Variants in B3GALT1 observed in about 807,000 individuals in gnomAD.
B3GALT1 encodes the protein UDP-Gal:betaGlcNAc beta 1,3-galactosyltransferase, polypeptide 1.
B3GALT1 carries 10 observed loss-of-function variants against 23.2 expected under a neutral mutation model. The observed-to-expected ratio is 0.43, with a 90% CI of 0.27 to 0.73. B3GALT1 has a LOEUF of 0.73. Among genes scored for constraint, B3GALT1 ranks in the 30% least tolerant of loss-of-function variants. The pLI is 0.21. For synonymous variants in B3GALT1, 156 were observed against 141.5 expected (o/e 1.10, Z -0.73); for missense variants, 299 against 405.4 (o/e 0.74, Z 2.25).
chr2:167,441,834 G>T (rs1698897879), intron 1 of B3GALT1, among the ~76,000 whole-genome samples: 1 of 151,762 alleles, frequency 6.6e-6, no homozygotes, highest in East Asian at 1.9e-4. Context: ...TCAAGCCCAG[G>T]CCAGACAGCA....
At chr2:167,324,524 G>A (rs567488254) in intron 1 of B3GALT1, among the ~76,000 whole-genome samples, 3 of 152,070 alleles carry the variant, frequency 2.0e-5, no homozygotes, top group African/African-American at 7.2e-5. Context: ...ATTTGTTATT[G>A]TTTAGAAATT....
chr2:167,614,286 A>C (rs1394491419), intron 2 of B3GALT1, among the ~76,000 whole-genome samples: 1 of 151,646 alleles, frequency 6.6e-6, no homozygotes, highest in East Asian at 1.9e-4. Flanking sequence ...AAAATGAAAA[A>C]AAAAACCCAT....
chr2:167,699,607 G>A (rs1156324756), intron 3 of B3GALT1, among the ~76,000 whole-genome samples: 1 of 151,966 alleles, frequency 6.6e-6, no homozygotes, highest in Non-Finnish European at 1.5e-5. Flanking sequence ...TGAATTTCAT[G>A]AAAATTACTT....
chr2:167,474,452 GTTGT>G (rs1699464287), intron 1 of B3GALT1, among the ~76,000 whole-genome samples: 2 of 152,120 alleles, frequency 1.3e-5, no homozygotes, highest in African/African-American at 4.8e-5. Flanking sequence ...TGTGAAACGG[GTTGT>G]ATTGTCTCTG....
intron 1 of B3GALT1, among the ~76,000 whole-genome samples, chr2:167,487,821 C>T (rs1195102709): frequency 2.0e-5 from 3 of 152,132 alleles, no homozygotes; most frequent in Non-Finnish European, 4.4e-5. Context: ...ATATCAAATA[C>T]TGCACCTGTC....
At chr2:167,770,429 G>A (rs567858330) in intron 3 of B3GALT1, among the ~76,000 whole-genome samples, 1 of 152,226 alleles carries the variant, frequency 6.6e-6, no homozygotes, top group African/African-American at 2.4e-5. Context: ...ATTCTTTTTG[G>A]TAAAATATCT....
At chr2:167,380,325 T>C (rs149851859) in intron 1 of B3GALT1, among the ~76,000 whole-genome samples, 20 of 152,320 alleles carry the variant, frequency 1.3e-4, no homozygotes, top group African/African-American at 4.6e-4. Flanking sequence ...CACCCAGCGA[T>C]GGCACAGGCA....
intron 3 of B3GALT1, among the ~76,000 whole-genome samples, chr2:167,736,739 TA>T (rs999444009): frequency 6.6e-6 from 1 of 151,746 alleles, no homozygotes. Context: ...CTGTTTCTAC[TA>T]AAAAAAAGAA....
intron 3 of B3GALT1, among the ~76,000 whole-genome samples, chr2:167,799,683 A>G (rs1688604152): frequency 6.6e-6 from 1 of 152,202 alleles, no homozygotes; most frequent in African/African-American, 2.4e-5. Flanking sequence ...ACCCGATTTT[A>G]AGTTTTGAGA....
intron 4 of B3GALT1, among the ~76,000 whole-genome samples, chr2:167,847,834 G>A (rs1056511672): frequency 6.6e-6 from 1 of 151,964 alleles, no homozygotes; most frequent in East Asian, 1.9e-4. Flanking sequence ...AAAATTGATA[G>A]ACTATTAACA....
At chr2:167,414,880 T>C (rs1233217186) in intron 1 of B3GALT1, among the ~76,000 whole-genome samples, 1 of 152,212 alleles carries the variant, frequency 6.6e-6, no homozygotes, top group African/African-American at 2.4e-5. Context: ...TATATTCCCC[T>C]AACCCATGGC....
At chr2:167,726,626 G>A (rs1226807228) in intron 3 of B3GALT1, among the ~76,000 whole-genome samples, 1 of 152,182 alleles carries the variant, frequency 6.6e-6, no homozygotes, top group Non-Finnish European at 1.5e-5. Flanking sequence ...TTGTCTAGTT[G>A]ACATTCACAA....
chr2:167,744,884 G>C (rs1006907760), intron 3 of B3GALT1, among the ~76,000 whole-genome samples: 9 of 152,030 alleles, frequency 5.9e-5, no homozygotes, highest in African/African-American at 1.9e-4. Context: ...CACCACACCC[G>C]GCCAGACATA....
At chr2:167,852,677 AG>A (rs1325742160) in intron 4 of B3GALT1, among the ~76,000 whole-genome samples, 2 of 152,194 alleles carry the variant, frequency 1.3e-5, no homozygotes, top group Non-Finnish European at 2.9e-5. Context: ...GCATGGGGAA[AG>A]ATACTGTATA....
At chr2:167,293,399 C>G (rs1306851092) in intron 1 of B3GALT1, 65 bp downstream of exon 1, 8 of 152,422 alleles carry the variant, frequency 5.2e-5, no homozygotes, top group African/African-American at 1.9e-4. Context: ...TTGGGGGTTA[C>G]GAGGCGCGTG....
intron 1 of B3GALT1, among the ~76,000 whole-genome samples, chr2:167,440,994 T>C (rs577585369): frequency 2.0e-5 from 3 of 152,354 alleles, no homozygotes; most frequent in African/African-American, 7.2e-5. Context: ...TCATTTGATA[T>C]TATAAAGAAT....
chr2:167,322,396 GA>G (rs1696828106), intron 1 of B3GALT1, among the ~76,000 whole-genome samples: 1 of 151,416 alleles, frequency 6.6e-6, no homozygotes, highest in Non-Finnish European at 1.5e-5. Context: ...GAACATTTTT[GA>G]AGTATAGTTT....
chr2:167,589,185 A>G (rs1033461802), intron 2 of B3GALT1, among the ~76,000 whole-genome samples: 4 of 152,000 alleles, frequency 2.6e-5, no homozygotes, highest in Non-Finnish European at 4.4e-5. Context: ...GGCTCAAACA[A>G]TCCTCCCATT....
chr2:167,563,866 G>T (rs1239909660), intron 2 of B3GALT1, among the ~76,000 whole-genome samples: 1 of 142,318 alleles, frequency 7.0e-6, no homozygotes, highest in Non-Finnish European at 1.6e-5. Flanking sequence ...GGGCAGAGGC[G>T]CCCCTCATCT....
Sources: gnomAD v4.1 joint callset for allele counts (sites outside exome capture counted in the v4.1 genomes callset) on GRCh38, gnomAD v4.1.1 for gene constraint, MANE v1.5 for transcripts, NCBI Gene and HGNC (gene_info 2026-07-23, HGNC 2026-07-21) for gene names.